Variants in AACS observed in about 807,000 individuals in gnomAD.
AACS encodes acetoacetyl-CoA synthetase, also known as acetoacetate-CoA ligase.
A neutral mutation model predicts 83.1 loss-of-function variants in AACS; 69 were observed. The observed-to-expected ratio is 0.83, with a 90% confidence interval of 0.68 to 1.01. The LOEUF (loss-of-function observed/expected upper bound fraction) is 1.01. AACS is among the 50% of genes least tolerant of loss of function. AACS has a pLI of 0.00. For synonymous variants in AACS, 333 were observed against 343.4 expected (o/e 0.97, Z 0.33); for missense variants, 866 against 882.2 (o/e 0.98, Z 0.23).
At chr12:125,073,780 G>T (rs1343020723) in intron 1 of AACS, 96 bp from the exon 2 acceptor site, 1 of 992,910 alleles carries the variant, frequency 1.0e-6, no homozygotes. Flanking sequence ...AATTTGGCTC[G>T]CTTGGACATG....
In AACS at chr12:125,093,488, C is replaced by G. The variant is rs145360818; in HGVS notation, c.570+1965C>G. Among the ~76,000 whole-genome samples the G allele has an allele frequency of 6.3e-3, 965 of 152,362 alleles. 8 individuals are homozygous for G. Among genetic ancestry groups the G allele is most frequent in the African/African-American group, 0.022 (915 of 41,592 alleles). Reference sequence around the variant, plus strand: ...AGGATCTGCCCATCCTGGAAGGACTCAGGAGGGATGCATGGCTCTGTAGCA... The same window carrying G: ...AGGATCTGCCCATCCTGGAAGGACTGAGGAGGGATGCATGGCTCTGTAGCA... On this transcript the variant is annotated intron_variant, in intron 5 of 17. Transcript: ENST00000316519.
intron 5 of AACS, among the ~76,000 whole-genome samples, chr12:125,092,251 C>T (rs986329668): frequency 5.3e-5 from 8 of 152,236 alleles, no homozygotes; most frequent in Non-Finnish European, 7.3e-5. Context: ...ATGCAGCATC[C>T]GTGTCCCTGA....
At chr12:125,139,087 CTG>C (rs1275414771) in intron 17 of AACS, 1 of 152,242 alleles carries the variant, frequency 6.6e-6, no homozygotes, top group Admixed American at 6.5e-5. Flanking sequence ...ATCTCTGTCT[CTG>C]TGTGGAGAGA....
rs368669260 is a variant in AACS, at chr12:125,103,040, G to T, written c.726G>T (p.Val242=). ...DLKKVVVIPY[V]SSRENIDLSK... is the part of the protein sequence containing the mutation. ...AGAAAGTGGTGGTGATTCCTTATGT[G>T]TCCTCCAGAGAGAACATAGACCTTT... is the stretch of plus-strand genomic sequence containing the variant. The change falls in exon 7 of 18, where the codon GTG becomes GTT. Residue 242 remains valine (V), a synonymous_variant. Transcript: ENST00000316519. 4 of 1,613,936 alleles carry T rather than the reference G, an allele frequency of 2.5e-6. No homozygotes were observed. Among genetic ancestry groups the T allele is most frequent in the Non-Finnish European group, 3.4e-6 (4 of 1,180,014 alleles).
Position 125,142,301 on chromosome 12 carries a change from C to G in AACS, c.*72C>G. ...ACTTTTGTGTGCTCAAGAAATTATA[C>G]AGAAACCTACAGCTGTTGTAAAAGG... On this transcript the variant is annotated 3_prime_UTR_variant, in exon 18 of 18. Transcript: ENST00000316519. 1.9e-6 allele frequency: 3 copies of G among 1,572,068 alleles called. No homozygotes were observed. The South Asian group carries it at 3.4e-5, about 18-fold the overall frequency.
rs559964592 is a variant in AACS at position 125,129,036 on chromosome 12, A to C, written c.1424-299A>C. 1 of 247,244 alleles carries C rather than the reference A, an allele frequency of 4.0e-6. No individual in the cohort carries two copies. The highest frequency in any genetic ancestry group is 7.8e-6 in the Non-Finnish European group (1 of 128,558). The allele number at this position is 247,244 out of a possible 1,614,324, so 15.3% of individuals were successfully genotyped here. On this transcript the variant is annotated intron_variant, in intron 13 of 17. Coordinates refer to ENST00000316519, the MANE Select transcript of AACS (RefSeq NM_023928.5). This position sits in a 1 kb window ranked among gnomAD's most constrained non-coding sequence, Gnocchi z 4.3. The stretch of plus-strand genomic sequence containing the variant: ...CGTGTATGTGTTCAAAGGCATGCAG[A>C]GTGACGACATATGCTATTCAAGGAT...
chr12:125,125,265 G>A (rs140621204), intron 12 of AACS, among the ~76,000 whole-genome samples: 57 of 152,340 alleles, frequency 3.7e-4, no homozygotes, highest in Admixed American at 1.2e-3. Context: ...CTCTCACATC[G>A]ATTATAGTCT....
chr12:125,085,608 A>C (rs1324930020), intron 3 of AACS, among the ~76,000 whole-genome samples: 2 of 152,210 alleles, frequency 1.3e-5, no homozygotes, highest in African/African-American at 4.8e-5. Flanking sequence ...AACTACACAC[A>C]TGCATGTTGC....
chr12:125,066,334 G>A (rs1955693014), intron 1 of AACS, among the ~76,000 whole-genome samples: 1 of 151,718 alleles, frequency 6.6e-6, no homozygotes, highest in Non-Finnish European at 1.5e-5. Flanking sequence ...TGCGGGTGGG[G>A]CAAAGGCTCC....
At position 125,118,713 on chromosome 12, in the gene AACS, T is replaced by TC. The variant is rs1275185722; in HGVS notation, c.1075dup (p.Leu359ProfsTer13). The TC allele has an allele frequency of 2.5e-6, 4 of 1,613,890 alleles. No individual in the cohort carries two copies. Among genetic ancestry groups the TC allele is most frequent in the African/African-American group, 1.3e-5 (1 of 74,890 alleles). Reference sequence around the variant, plus strand: ...AGCGGCCATGGTCTTGTACGATGGCTCCCCCCTGGTGCCCACGCCCAATGT... The same window carrying TC: ...AGCGGCCATGGTCTTGTACGATGGCTCCCCCCCTGGTGCCCACGCCCAATGT... On this transcript the variant is annotated frameshift_variant, in exon 10 of 18. Coordinates refer to ENST00000316519, the MANE Select transcript of AACS (RefSeq NM_023928.5). LOFTEE classifies it high-confidence loss of function.
At chr12:125,091,368 C>A in intron 4 of AACS, 58 bp from the exon 5 acceptor site, 1 of 1,559,334 alleles carries the variant, frequency 6.4e-7, no homozygotes, top group Non-Finnish European at 8.8e-7. Context: ...ACCTTTTGGA[C>A]ATCTGCTACC....
At position 125,097,086 on chromosome 12, in the gene AACS, G is replaced by A. The variant is rs1045230543; in HGVS notation, c.570+5563G>A. 3.3e-5 allele frequency among the ~76,000 whole-genome samples: 5 copies of A among 152,174 alleles called. No homozygotes were observed. The highest frequency in any genetic ancestry group is 1.2e-4 in the African/African-American group (5 of 41,440). ...GGTGTATGTTAGCATCAGACGCAAGGAGGGCTAGCCCTGGTGGCCTGCGGA... is the reference window on the plus strand; with the variant it reads ...GGTGTATGTTAGCATCAGACGCAAGAAGGGCTAGCCCTGGTGGCCTGCGGA... On this transcript the variant is annotated intron_variant, in intron 5 of 17. Coordinates refer to ENST00000316519, the MANE Select transcript of AACS (RefSeq NM_023928.5). This position sits in a 1 kb window ranked among gnomAD's most constrained non-coding sequence, Gnocchi z 4.3.
intron 10 of AACS, chr12:125,124,045 CAAAT>C (rs1340945087): frequency 6.6e-6 from 1 of 152,142 alleles, no homozygotes; most frequent in East Asian, 1.9e-4. Flanking sequence ...CATGTTTTCA[CAAAT>C]AAAGAATTCT....
At chr12:125,080,733 C>T (rs925248599) in intron 3 of AACS, among the ~76,000 whole-genome samples, 1 of 151,996 alleles carries the variant, frequency 6.6e-6, no homozygotes. Context: ...GCTCTGTCCC[C>T]CAGGCTGGAG....
intron 3 of AACS, among the ~76,000 whole-genome samples, chr12:125,083,568 A>G (rs537858278): frequency 2.0e-5 from 3 of 151,492 alleles, no homozygotes; most frequent in African/African-American, 7.3e-5. Context: ...TTTTTTCTGT[A>G]CTATCAAAGT....
intron 4 of AACS, among the ~76,000 whole-genome samples, chr12:125,090,510 A>G (rs1956457753): frequency 6.6e-6 from 1 of 151,400 alleles, no homozygotes; most frequent in African/African-American, 2.4e-5. Context: ...CCCATCTTCC[A>G]TCTCTCCATC....
At chr12:125,117,177 T>G (rs1218225109) in intron 9 of AACS, among the ~76,000 whole-genome samples, 1 of 151,840 alleles carries the variant, frequency 6.6e-6, no homozygotes, top group East Asian at 1.9e-4. Context: ...TTTGGGAGGA[T>G]GAGGTAGGTG....
chr12:125,075,704 C>T lies in AACS; in HGVS notation c.238-787C>T, dbSNP rs376636199. On this transcript the variant is annotated intron_variant, in intron 2 of 17. Transcript: ENST00000316519. Reference sequence around the variant, plus strand: ...CGCCTCCTGGGTTCACACCATTCTCCTGCCTCAGCCTCCCCAGCAGCTGGG... The same window carrying T: ...CGCCTCCTGGGTTCACACCATTCTCTTGCCTCAGCCTCCCCAGCAGCTGGG... Among the ~76,000 whole-genome samples the T allele has an allele frequency of 2.1e-4, 32 of 151,722 alleles. 3 individuals carry two copies. The highest frequency in any genetic ancestry group is 6.5e-4 in the African/African-American group (27 of 41,310).
chr12:125,141,893 CAGAG>C (rs1957501623), intron 17 of AACS, among the ~76,000 whole-genome samples, 195 bp from the exon 18 acceptor site: 2 of 151,894 alleles, frequency 1.3e-5, no homozygotes, highest in African/African-American at 4.8e-5. Context: ...ATCCCCCAAA[CAGAG>C]AGACAGTGGT....
Sources: allele counts gnomAD v4.1 joint callset (sites outside exome capture counted in the v4.1 genomes callset), GRCh38; gene constraint gnomAD v4.1.1; non-coding constraint Gnocchi (gnomAD v3.1); transcripts MANE v1.5; gene names NCBI Gene and HGNC (gene_info 2026-07-23, HGNC 2026-07-21).